The following SUPT3H variants were observed in gnomAD, a reference collection of about 807,000 sequenced individuals.
SUPT3H encodes transcription initiation protein SPT3 homolog.
Under a neutral mutation model 44.3 loss-of-function variants are expected in SUPT3H, and 44 were observed. The observed-to-expected ratio is 0.99, with a 90% CI of 0.78 to 1.28. The LOEUF (loss-of-function observed/expected upper bound fraction) is 1.28, where lower values mean the gene tolerates loss of function less well. Among genes scored for constraint, SUPT3H ranks in the 50% most tolerant of loss-of-function variants. SUPT3H has a pLI of 0.00. For synonymous variants in SUPT3H, 124 were observed against 125.6 expected (o/e 0.99, Z 0.09); for missense variants, 380 against 387.1 (o/e 0.98, Z 0.15).
At chr6:45,085,886 T>G (rs982807577) in intron 3 of SUPT3H, among the ~76,000 whole-genome samples, 4 of 152,074 alleles carry the variant, frequency 2.6e-5, no homozygotes, top group Non-Finnish European at 5.9e-5. Flanking sequence ...CAACGGCTTA[T>G]TAGGTAGAAA....
intron 10 of SUPT3H, among the ~76,000 whole-genome samples, chr6:44,910,887 C>T (rs953367584): frequency 2.8e-5 from 4 of 144,600 alleles, no homozygotes; most frequent in Non-Finnish European, 6.0e-5. Flanking sequence ...CCCAGCCACT[C>T]GGGAGGCTTA....
At chr6:45,014,520 T>A (rs1422044521) in intron 5 of SUPT3H, among the ~76,000 whole-genome samples, 1 of 152,156 alleles carries the variant, frequency 6.6e-6, no homozygotes, top group Non-Finnish European at 1.5e-5. Flanking sequence ...TTACTCTAAG[T>A]CTGCATTCAC....
chr6:44,942,657 T>C lies in SUPT3H; in HGVS notation c.802-9894A>G, dbSNP rs1470116018. On this transcript the variant is annotated intron_variant, in intron 9 of 10. Transcript: ENST00000371459. ...TATGTCCGGGCTAGTCTGAAACTCC[T>C]AGGCTAAAGTGATCTTCCTATCTCA... Among the ~76,000 whole-genome samples, 3 of 152,302 alleles carry C rather than the reference T, an allele frequency of 2.0e-5. No homozygotes were observed. The East Asian group carries it at 5.8e-4, about 29-fold the overall frequency.
intron 2 of SUPT3H, among the ~76,000 whole-genome samples, chr6:45,303,465 T>G (rs1048794314): frequency 6.6e-6 from 1 of 151,860 alleles, no homozygotes; most frequent in African/African-American, 2.4e-5. Flanking sequence ...GCTAAGGACA[T>G]GAACAATTTT....
chr6:45,313,567 A>G (rs1028167997), intron 2 of SUPT3H, among the ~76,000 whole-genome samples: 7 of 152,090 alleles, frequency 4.6e-5, no homozygotes, highest in African/African-American at 1.7e-4. Flanking sequence ...CCTAGAAAAT[A>G]CAACCCTGCT....
At chr6:45,200,800 A>AAT (rs1293630199) in intron 2 of SUPT3H, among the ~76,000 whole-genome samples, 5 of 151,674 alleles carry the variant, frequency 3.3e-5, no homozygotes, top group Admixed American at 3.3e-4. Context: ...ATTCACTGAC[A>AAT]TAATGCCTAG....
intron 2 of SUPT3H, among the ~76,000 whole-genome samples, chr6:45,298,721 T>C (rs1406742339): frequency 6.6e-6 from 1 of 152,160 alleles, no homozygotes; most frequent in Non-Finnish European, 1.5e-5. Context: ...TAATTGTTAC[T>C]TTTCTATTTA....
chr6:44,920,899 C>CA lies in SUPT3H; in HGVS notation c.912+11753dup, dbSNP rs532640931. ...CCTCTGTGTGCTTGTATTGTCTTTT[C>CA]AAAATCACTATTCATTCCCTTCCCC... On this transcript the variant is annotated intron_variant, in intron 10 of 10. Coordinates refer to ENST00000371459, the MANE Select transcript of SUPT3H (RefSeq NM_003599.4). Among the ~76,000 whole-genome samples, 48 of 152,184 alleles carry CA rather than the reference C, an allele frequency of 3.2e-4. 1 individual carries two copies. Among genetic ancestry groups the CA allele is most frequent in the Middle Eastern group, 6.8e-3 (2 of 294 alleles).
chr6:45,234,530 C>CAAAAAAA (rs10713328), intron 2 of SUPT3H, among the ~76,000 whole-genome samples: 10 of 126,956 alleles, frequency 7.9e-5, no homozygotes, highest in South Asian at 2.5e-4. Context: ...GACGCTGTCA[C>CAAAAAAA]AAAAAAAAAA....
chr6:45,221,075 G>A (rs1302195236), intron 2 of SUPT3H, among the ~76,000 whole-genome samples: 1 of 152,126 alleles, frequency 6.6e-6, no homozygotes, highest in Non-Finnish European at 1.5e-5. Context: ...CCTTTGTAGG[G>A]ACATGGATAA....
At chr6:45,358,736 GT>G (rs1317768890) in intron 2 of SUPT3H, among the ~76,000 whole-genome samples, 3 of 152,056 alleles carry the variant, frequency 2.0e-5, no homozygotes, top group Non-Finnish European at 4.4e-5. Flanking sequence ...ATTTTTGAAA[GT>G]TAATACTGTA....
intron 6 of SUPT3H, among the ~76,000 whole-genome samples, chr6:44,980,032 CA>C (rs1225354518): frequency 6.6e-6 from 1 of 152,018 alleles, no homozygotes; most frequent in Non-Finnish European, 1.5e-5. Context: ...GTTGCTTAGG[CA>C]AGATCAAAGT....
intron 2 of SUPT3H, among the ~76,000 whole-genome samples, chr6:45,284,122 A>G (rs998209827): frequency 2.8e-4 from 42 of 152,224 alleles, no homozygotes; most frequent in African/African-American, 6.0e-4. Flanking sequence ...AGAGCACTAC[A>G]TGCCCACAAG....
chr6:45,280,018 T>C (rs991240494), intron 2 of SUPT3H, among the ~76,000 whole-genome samples: 6 of 152,186 alleles, frequency 3.9e-5, no homozygotes, highest in Non-Finnish European at 7.4e-5. Flanking sequence ...TCCAGCTTTA[T>C]TTTCAATCCC....
chr6:45,306,536 A>C (rs968216726), intron 2 of SUPT3H, among the ~76,000 whole-genome samples: 5 of 152,174 alleles, frequency 3.3e-5, no homozygotes, highest in African/African-American at 1.2e-4. Context: ...CCATAGCAAA[A>C]CTAGCCCAAA....
intron 3 of SUPT3H, among the ~76,000 whole-genome samples, chr6:45,041,327 T>G (rs1331708828): frequency 1.3e-5 from 2 of 152,180 alleles, no homozygotes; most frequent in Non-Finnish European, 1.5e-5. Flanking sequence ...AGACTTAAAA[T>G]CCAACGGATT....
chr6:45,013,779 G>A (rs146471747), intron 5 of SUPT3H, among the ~76,000 whole-genome samples: 18 of 152,170 alleles, frequency 1.2e-4, no homozygotes, highest in African/African-American at 4.3e-4. Flanking sequence ...CCCTTCTGGG[G>A]TAAAATTGTT....
chr6:44,996,287 C>T (rs549500853), intron 6 of SUPT3H, among the ~76,000 whole-genome samples: 2 of 151,784 alleles, frequency 1.3e-5, no homozygotes, highest in African/African-American at 2.4e-5. Context: ...TAAGTAGATA[C>T]TTTATATATT....
At chr6:45,033,014 T>C (rs1014941486) in intron 3 of SUPT3H, among the ~76,000 whole-genome samples, 3 of 152,148 alleles carry the variant, frequency 2.0e-5, no homozygotes, top group African/African-American at 7.2e-5. Flanking sequence ...GCTCCTACTG[T>C]GTGCTCTGTG....
Sources: allele counts gnomAD v4.1 joint callset (sites outside exome capture counted in the v4.1 genomes callset), GRCh38; gene constraint gnomAD v4.1.1; transcripts MANE v1.5; gene names NCBI Gene and HGNC (gene_info 2026-07-23, HGNC 2026-07-21).